The following HYKK variants were observed in gnomAD, a reference collection of about 807,000 sequenced individuals.
HYKK encodes the protein 5-hydroxy-L-lysine kinase.
A neutral mutation model predicts 29.7 loss-of-function variants in HYKK; 19 were observed. That is an observed-to-expected ratio of 0.64 (90% CI 0.45 to 0.94). The LOEUF is 0.94. Ranked by LOEUF, HYKK falls within the 40% of genes least tolerant of loss-of-function variation. HYKK has a pLI of 0.00. For synonymous variants in HYKK, 152 were observed against 158.1 expected (o/e 0.96, Z 0.29); for missense variants, 390 against 443.4 (o/e 0.88, Z 1.08).
intron 4 of HYKK, among the ~76,000 whole-genome samples, chr15:78,531,050 A>G (rs2052307147): frequency 6.6e-6 from 1 of 151,984 alleles, no homozygotes. Flanking sequence ...TTTAGTAGAG[A>G]TGGAGTTTTG....
intron 4 of HYKK, among the ~76,000 whole-genome samples, chr15:78,529,065 C>T (rs2052286324): frequency 6.6e-6 from 1 of 152,150 alleles, no homozygotes; most frequent in Non-Finnish European, 1.5e-5. Flanking sequence ...GTCACAAATC[C>T]AGTCAAATTC....
intron 3 of HYKK, among the ~76,000 whole-genome samples, chr15:78,516,993 T>C (rs1273954543): frequency 6.6e-6 from 1 of 151,696 alleles, no homozygotes; most frequent in Non-Finnish European, 1.5e-5. Flanking sequence ...CACTCCAGCT[T>C]GGGTGACAGA....
At chr15:78,519,073 A>C (rs1483946348) in intron 3 of HYKK, among the ~76,000 whole-genome samples, 1 of 152,186 alleles carries the variant, frequency 6.6e-6, no homozygotes, top group African/African-American at 2.4e-5. Context: ...TACAAAGAAA[A>C]ATTAAGTTAC....
intron 3 of HYKK, among the ~76,000 whole-genome samples, chr15:78,523,236 TC>T (rs2052216188): frequency 1.3e-5 from 2 of 152,188 alleles, no homozygotes; most frequent in Non-Finnish European, 2.9e-5. Context: ...TGAGGAGGCC[TC>T]AGGAAGCTTC....
At chr15:78,527,993 A>C (rs1188026872) in intron 4 of HYKK, 1 of 157,320 alleles carries the variant, frequency 6.4e-6, no homozygotes, top group Non-Finnish European at 1.4e-5. Flanking sequence ...CCATAGTATG[A>C]ATATACCATA....
rs990598621 is a variant in HYKK, at chr15:78,536,350, C to T, written c.*2680C>T. 4.0e-5 allele frequency: 6 copies of T among 151,856 alleles called. No individual in the cohort carries two copies. The highest frequency in any genetic ancestry group is 1.3e-4 in the Admixed American group (2 of 15,242). 9.4% of individuals were successfully genotyped at this position (151,856 alleles called of 1,614,324 possible). On this transcript the variant is annotated 3_prime_UTR_variant, in exon 5 of 5. Transcript: ENST00000388988. ...ACACACATGCACACTCACTCACACA[C>T]ACTAGGAGGAACAAATGAGATCATT...
rs561759000 is a variant in HYKK at position 78,515,051 on chromosome 15, C to A, written c.421C>A (p.Pro141Thr). ...GRPIAELPVS[P>T]QLLYEIGKLA... ...ACCCATCGCTGAGCTTCCCGTCAGC[C>A]CCCAGCTATTGTATGAAATTGGAAA... The change falls in exon 3 of 5, where the codon CCC (proline) becomes ACC (threonine). Residue 141 changes from proline to threonine, a missense_variant. Coordinates refer to ENST00000388988, the MANE Select transcript of HYKK (RefSeq NM_001013619.4). 2 of 1,604,030 alleles carry A rather than the reference C, an allele frequency of 1.2e-6. No homozygotes were observed. Among genetic ancestry groups the A allele is most frequent in the South Asian group, 1.1e-5 (1 of 89,718 alleles).
intron 4 of HYKK, chr15:78,528,476 C>T: frequency 2.0e-6 from 2 of 985,392 alleles, no homozygotes; most frequent in Non-Finnish European, 2.4e-6. Context: ...TAGATATAAC[C>T]AGCCTTTTCA....
chr15:78,513,079 C>T lies in HYKK; in HGVS notation c.-5-5C>T. ...CTTTCTGTTTGTTGCTTTTTGTTCCCCTAGACATAATGTCAAGTGGAAACT... is the reference window on the plus strand; with the variant it reads ...CTTTCTGTTTGTTGCTTTTTGTTCCTCTAGACATAATGTCAAGTGGAAACT... On this transcript the variant is annotated splice_region_variant and splice_polypyrimidine_tract_variant and intron_variant, in intron 1 of 4. Coordinates refer to ENST00000388988, the MANE Select transcript of HYKK (RefSeq NM_001013619.4). The T allele has an allele frequency of 6.5e-7, 1 of 1,546,192 alleles. No homozygotes were observed. Among genetic ancestry groups the T allele is most frequent in the Non-Finnish European group, 8.9e-7 (1 of 1,122,224 alleles).
intron 4 of HYKK, 44 bp downstream of exon 4, chr15:78,527,607 G>C: frequency 6.3e-7 from 1 of 1,599,266 alleles, no homozygotes; most frequent in Non-Finnish European, 8.5e-7. Flanking sequence ...TATTTAAACT[G>C]TCCAATTTCA....
chr15:78,536,987 G>C (rs2052368087), downstream of HYKK, among the ~76,000 whole-genome samples: 1 of 152,148 alleles, frequency 6.6e-6, no homozygotes, highest in Admixed American at 6.5e-5. Flanking sequence ...AAAACTCCAG[G>C]TTCTTGGCCT....
At chr15:78,517,109 C>CTTTT (rs34680285) in intron 3 of HYKK, among the ~76,000 whole-genome samples, 89 of 108,414 alleles carry the variant, frequency 8.2e-4, no homozygotes, top group African/African-American at 2.5e-3. Context: ...TTCTTTCTTT[C>CTTTT]TTTTTTTTTT....
chr15:78,528,409 C>T (rs2052279373), intron 4 of HYKK: 3 of 985,328 alleles, frequency 3.0e-6, no homozygotes, highest in Non-Finnish European at 3.6e-6. Context: ...AACTACTGCT[C>T]TAGTATATAT....
intron 3 of HYKK, among the ~76,000 whole-genome samples, chr15:78,516,304 T>C (rs1157598336): frequency 6.6e-6 from 1 of 151,992 alleles, no homozygotes; most frequent in African/African-American, 2.4e-5. Flanking sequence ...CATCCTCATT[T>C]TGAGTGGGCT....
intron 1 of HYKK, among the ~76,000 whole-genome samples, chr15:78,509,051 A>AC (rs200776054): frequency 3.2e-4 from 47 of 148,656 alleles, no homozygotes; most frequent in African/African-American, 1.0e-3. Flanking sequence ...CTCAAAAACA[A>AC]AAAAAAAAAA....
intron 3 of HYKK, among the ~76,000 whole-genome samples, chr15:78,520,959 C>G (rs553245151): frequency 6.7e-6 from 1 of 149,646 alleles, no homozygotes; most frequent in Non-Finnish European, 1.5e-5. Context: ...GCTGGCCGGG[C>G]GGGGGGCTGA....
intron 3 of HYKK, among the ~76,000 whole-genome samples, chr15:78,520,771 G>T (rs1287703645): frequency 1.3e-5 from 2 of 152,134 alleles, no homozygotes; most frequent in African/African-American, 4.8e-5. Context: ...CCCAGATGGG[G>T]TGGTGGCCGG....
chr15:78,513,084 A>T lies in HYKK; in HGVS notation c.-5A>T. 1 of 1,570,518 alleles carries T rather than the reference A, an allele frequency of 6.4e-7. No individual in the cohort carries two copies. The highest frequency in any genetic ancestry group is 8.7e-7 in the Non-Finnish European group (1 of 1,143,060). On this transcript the variant is annotated splice_region_variant and 5_prime_UTR_variant, in exon 2 of 5. Transcript: ENST00000388988. ...TGTTTGTTGCTTTTTGTTCCCCTAG[A>T]CATAATGTCAAGTGGAAACTATCAG...
chr15:78,515,851 G>A (rs1385775211), intron 3 of HYKK, among the ~76,000 whole-genome samples: 2 of 152,138 alleles, frequency 1.3e-5, no homozygotes, highest in Non-Finnish European at 2.9e-5. Flanking sequence ...GCCTCCCAAA[G>A]TGCTGGGATT....
Sources: gnomAD v4.1 joint callset for allele counts (sites outside exome capture counted in the v4.1 genomes callset) on GRCh38, gnomAD v4.1.1 for gene constraint, MANE v1.5 for transcripts, NCBI Gene and HGNC (gene_info 2026-07-23, HGNC 2026-07-21) for gene names.